The following DEPTOR variants were observed in gnomAD, a reference collection of about 807,000 sequenced individuals.
DEPTOR encodes the protein DEP domain-containing mTOR-interacting protein.
DEPTOR carries 41 observed loss-of-function variants against 41.6 expected under a neutral mutation model. The observed-to-expected ratio is 0.98, with a 90% confidence interval of 0.77 to 1.28. The LOEUF (loss-of-function observed/expected upper bound fraction) is 1.28. DEPTOR is among the 50% of genes most tolerant of loss of function. DEPTOR has a pLI of 0.00. For synonymous variants in DEPTOR, 195 were observed against 192.3 expected, an observed-to-expected ratio of 1.01 and a Z score of -0.12; for missense variants, 514 against 527.9, an observed-to-expected ratio of 0.97 and a Z score of 0.26.
At chr8:120,002,788 AAAAAT>A (rs1247732878) in intron 5 of DEPTOR, among the ~76,000 whole-genome samples, 184 bp from the exon 6 acceptor site, 146 of 100,820 alleles carry the variant, frequency 1.4e-3, no homozygotes, top group African/African-American at 5.5e-3. Flanking sequence ...AAAAAAAAAA[AAAAAT>A]ATATATATAT....
rs554268154 is a variant in DEPTOR at position 119,905,131 on chromosome 8, C to T, written c.123-23269C>T. Among the ~76,000 whole-genome samples the T allele has an allele frequency of 2.6e-5, 4 of 152,168 alleles. No individual in the cohort carries two copies. The East Asian group carries it at 7.7e-4, about 29-fold the overall frequency. Reference sequence around the variant, plus strand: ...CCAGTGAATGCACCTTTTACCTAAACTGTGAGTCTTCTATGTGCCAGGCCC... The same window carrying T: ...CCAGTGAATGCACCTTTTACCTAAATTGTGAGTCTTCTATGTGCCAGGCCC... On this transcript the variant is annotated intron_variant, in intron 1 of 8. Coordinates refer to ENST00000286234, the MANE Select transcript of DEPTOR (RefSeq NM_022783.4).
chr8:119,909,167 G>T (rs574148342), intron 1 of DEPTOR, among the ~76,000 whole-genome samples: 1 of 152,310 alleles, frequency 6.6e-6, no homozygotes, highest in South Asian at 2.1e-4. Context: ...GACTTTCAAA[G>T]GCTCTCTAGA....
chr8:119,924,674 A>G (rs1405900735), intron 1 of DEPTOR, among the ~76,000 whole-genome samples: 2 of 152,084 alleles, frequency 1.3e-5, no homozygotes, highest in East Asian at 3.8e-4. Flanking sequence ...AAATCACTTT[A>G]TTATATCATG....
chr8:119,876,380 G>A (rs958632364), intron 1 of DEPTOR, among the ~76,000 whole-genome samples: 34 of 152,164 alleles, frequency 2.2e-4, no homozygotes, highest in African/African-American at 7.7e-4. Context: ...GATTATGCCC[G>A]TAATCCTGGC....
intron 1 of DEPTOR, among the ~76,000 whole-genome samples, chr8:119,903,281 A>G (rs952400559): frequency 3.9e-5 from 6 of 152,096 alleles, no homozygotes; most frequent in African/African-American, 1.4e-4. Context: ...TATTTTTAGT[A>G]GGGATGGGGT....
At chr8:119,875,464 G>C (rs1827219559) in intron 1 of DEPTOR, among the ~76,000 whole-genome samples, 1 of 152,206 alleles carries the variant, frequency 6.6e-6, no homozygotes. Flanking sequence ...GAAGGAGCAG[G>C]AGGGTGTCTT....
intron 1 of DEPTOR, among the ~76,000 whole-genome samples, chr8:119,899,873 C>G (rs948447736): frequency 1.3e-5 from 2 of 152,124 alleles, no homozygotes; most frequent in African/African-American, 4.8e-5. Flanking sequence ...TTTTAGCTTT[C>G]CCTTGAATTT....
At chr8:119,941,676 A>G (rs891454279) in intron 3 of DEPTOR, among the ~76,000 whole-genome samples, 2 of 152,208 alleles carry the variant, frequency 1.3e-5, no homozygotes, top group Admixed American at 6.5e-5. Flanking sequence ...TGCTTATTGT[A>G]TACCAAGAAC....
chr8:119,964,572 C>A (rs1360465129), intron 3 of DEPTOR, among the ~76,000 whole-genome samples: 1 of 147,618 alleles, frequency 6.8e-6, no homozygotes, highest in Non-Finnish European at 1.5e-5. Flanking sequence ...ACTCAGTTCA[C>A]AGCACTTGTC....
Position 119,895,970 on chromosome 8 carries a change from T to A in DEPTOR, c.122+22002T>A, listed in dbSNP as rs140602735. ...TTATTTTTTTAACCTCTTACTCTTTTTAATTGTTTAACACTTTTTAACACT... is the reference window on the plus strand; with the variant it reads ...TTATTTTTTTAACCTCTTACTCTTTATAATTGTTTAACACTTTTTAACACT... On this transcript the variant is annotated intron_variant, in intron 1 of 8. Transcript: ENST00000286234. Among the ~76,000 whole-genome samples the A allele has an allele frequency of 2.8e-3, 425 of 152,304 alleles. 3 individuals are homozygous for A. The highest frequency in any genetic ancestry group is 8.8e-3 in the African/African-American group (364 of 41,556).
intron 4 of DEPTOR, among the ~76,000 whole-genome samples, chr8:119,993,639 T>C (rs1310599943): frequency 6.6e-6 from 1 of 152,184 alleles, no homozygotes; most frequent in African/African-American, 2.4e-5. Context: ...ATATTTACTA[T>C]AATACGAAGG....
intron 3 of DEPTOR, among the ~76,000 whole-genome samples, chr8:119,932,774 G>A (rs1372906701): frequency 6.6e-6 from 1 of 152,164 alleles, no homozygotes; most frequent in Non-Finnish European, 1.5e-5. Context: ...ACTGAGGGTG[G>A]TGGGGTACTT....
At chr8:119,893,869 C>G (rs894746018) in intron 1 of DEPTOR, among the ~76,000 whole-genome samples, 8 of 152,122 alleles carry the variant, frequency 5.3e-5, no homozygotes, top group Non-Finnish European at 7.3e-5. Flanking sequence ...TCCATTGATT[C>G]TCCAGCCTCT....
chr8:119,893,678 A>C (rs1256345985), intron 1 of DEPTOR, among the ~76,000 whole-genome samples: 1 of 151,916 alleles, frequency 6.6e-6, no homozygotes, highest in African/African-American at 2.4e-5. Context: ...AAAATACAAA[A>C]ATTAGTGGGT....
chr8:119,903,666 G>A (rs1483050924), intron 1 of DEPTOR, among the ~76,000 whole-genome samples: 1 of 152,138 alleles, frequency 6.6e-6, no homozygotes, highest in Non-Finnish European at 1.5e-5. Context: ...TCAACTATGA[G>A]AGTACTTATG....
At chr8:119,887,120 C>T (rs1174200038) in intron 1 of DEPTOR, among the ~76,000 whole-genome samples, 1 of 11,414 alleles carries the variant, frequency 8.8e-5, no homozygotes, top group African/African-American at 4.0e-4. Flanking sequence ...CTCCCCTCCC[C>T]CTCCCCTCCC....
rs192465953 is a variant in DEPTOR, at chr8:119,998,165, T to C, written c.605-3360T>C. ...GTGCAATGGAGTGATCTTGGCTCAC[T>C]GCAACCTCCACCTCCCAGGCTCAAG... On this transcript the variant is annotated intron_variant, in intron 4 of 8. Coordinates refer to ENST00000286234, the MANE Select transcript of DEPTOR (RefSeq NM_022783.4). Among the ~76,000 whole-genome samples the C allele has an allele frequency of 6.6e-4, 100 of 152,334 alleles. 1 individual carries two copies. The highest frequency in any genetic ancestry group is 2.2e-3 in the African/African-American group (93 of 41,574).
chr8:119,877,211 C>T (rs1827241328), intron 1 of DEPTOR, among the ~76,000 whole-genome samples: 1 of 152,188 alleles, frequency 6.6e-6, no homozygotes, highest in African/African-American at 2.4e-5. Flanking sequence ...AAATGTTAGC[C>T]ACTTAATTCT....
At chr8:120,005,781 G>T (rs748425936) in intron 6 of DEPTOR, among the ~76,000 whole-genome samples, 1 of 152,130 alleles carries the variant, frequency 6.6e-6, no homozygotes, top group Non-Finnish European at 1.5e-5. Flanking sequence ...TGGGTTTTAG[G>T]CAGCCGCAAG....
Sources: allele counts gnomAD v4.1 joint callset (sites outside exome capture counted in the v4.1 genomes callset), GRCh38; gene constraint gnomAD v4.1.1; transcripts MANE v1.5; gene names NCBI Gene and HGNC (gene_info 2026-07-23, HGNC 2026-07-21).